The following NAA15 variants were observed in gnomAD, a reference collection of about 807,000 sequenced individuals.
The protein encoded by NAA15 is N-terminal acetyltransferase.
In NAA15, 34 loss-of-function variants were observed where a neutral mutation model predicts 114.0. That is an observed-to-expected ratio of 0.30 (90% confidence interval 0.23 to 0.40). The LOEUF (loss-of-function observed/expected upper bound fraction) is 0.40, where lower values mean the gene tolerates loss of function less well. Ranked by LOEUF, NAA15 falls within the 10% of genes least tolerant of loss-of-function variation. The pLI is 1.00. For missense variants in NAA15, 658 were observed against 1,004.5 expected (o/e 0.66, Z 4.66); for synonymous variants, 340 against 338.0 (o/e 1.01, Z -0.06).
chr4:139,354,845 A>G (rs1747892609), intron 10 of NAA15, among the ~76,000 whole-genome samples: 1 of 152,182 alleles, frequency 6.6e-6, no homozygotes, highest in South Asian at 2.1e-4. Context: ...TTAACCTAAA[A>G]CATAACCTAA....
intron 19 of NAA15, 47 bp downstream of exon 19, chr4:139,386,277 T>A (rs780717555): frequency 9.4e-7 from 1 of 1,065,628 alleles, no homozygotes; most frequent in Non-Finnish European, 1.4e-6. Context: ...TAACTACTTT[T>A]TTCACCAAGA....
At chr4:139,347,745 T>C (rs1253058322) in intron 6 of NAA15, among the ~76,000 whole-genome samples, 3 of 152,178 alleles carry the variant, frequency 2.0e-5, no homozygotes, top group Non-Finnish European at 4.4e-5. Context: ...AAAGTTTACT[T>C]AAGTCGGCCG....
chr4:139,343,781 G>A (rs370819939), intron 5 of NAA15, among the ~76,000 whole-genome samples: 10 of 152,322 alleles, frequency 6.6e-5, no homozygotes, highest in Middle Eastern at 3.4e-3. Flanking sequence ...AGACTGAATA[G>A]CCTATTGCTC....
At chr4:139,324,109 C>A (rs1352470565) in intron 1 of NAA15, among the ~76,000 whole-genome samples, 1 of 152,142 alleles carries the variant, frequency 6.6e-6, no homozygotes, top group Non-Finnish European at 1.5e-5. Context: ...GTCTGGAACT[C>A]CTGCTCAAGC....
rs1560952959 is a variant in NAA15 at position 139,315,036 on chromosome 4, G to GTTTAGT, written c.54+13207_54+13208insTAGTTT. ...GTTAGGTTAGGTTAGGTTAGGTTAGGTTAGGTTAGGTTAGGTTAGTTTAGT... is the reference window on the plus strand; with the variant it reads ...GTTAGGTTAGGTTAGGTTAGGTTAGGTTTAGTTTAGGTTAGGTTAGGTTAGTTTAGT... On this transcript the variant is annotated intron_variant, in intron 1 of 19. Coordinates refer to ENST00000296543, the MANE Select transcript of NAA15 (RefSeq NM_057175.5). Among the ~76,000 whole-genome samples, 133 of 82,390 alleles carry GTTTAGT rather than the reference G, an allele frequency of 1.6e-3. 5 individuals are homozygous for GTTTAGT. The highest frequency in any genetic ancestry group is 3.9e-3 in the African/African-American group (76 of 19,510). 54.1% of individuals were successfully genotyped at this position (82,390 alleles called of 152,430 possible). A position where few individuals can be genotyped will look rare whatever the true frequency, so the allele number is the denominator to read the frequency against.
rs151014611 is a variant in NAA15, at chr4:139,348,155, G to A, written c.692-1307G>A. On this transcript the variant is annotated intron_variant, in intron 6 of 19. Transcript: ENST00000296543. The stretch of plus-strand genomic sequence containing the variant: ...TTGAATTAGTTAACGCATGTGAAGC[G>A]TTTAAAAGTCACTGGTGGCCGGGCA... Among the ~76,000 whole-genome samples the A allele has an allele frequency of 1.4e-3, 215 of 151,754 alleles. 1 individual carries two copies. Among genetic ancestry groups the A allele is most frequent in the African/African-American group, 5.0e-3 (205 of 41,392 alleles).
intron 11 of NAA15, among the ~76,000 whole-genome samples, 189 bp downstream of exon 11, chr4:139,357,744 T>G (rs548570684): frequency 6.6e-6 from 1 of 152,232 alleles, no homozygotes; most frequent in Non-Finnish European, 1.5e-5. Flanking sequence ...TGGTGATTTA[T>G]CTATATCCGT....
intron 6 of NAA15, among the ~76,000 whole-genome samples, chr4:139,345,201 GA>G (rs1747541492): frequency 6.6e-6 from 1 of 152,136 alleles, no homozygotes; most frequent in Non-Finnish European, 1.5e-5. Context: ...GTACTGATAA[GA>G]AAAACTGGAA....
chr4:139,333,400 G>GT lies in NAA15; in HGVS notation c.55-767dup, dbSNP rs1470168312. 4.0e-5 allele frequency among the ~76,000 whole-genome samples: 6 copies of GT among 150,998 alleles called. No homozygotes were observed. In the South Asian group the frequency reaches 1.3e-3, roughly 32 times the overall value. ...ATTATAGATCTTTTTTATGTGACTT[G>GT]TTTTTTTCCCCTCTCTGGAAGTTTT... is the stretch of plus-strand genomic sequence containing the variant. On this transcript the variant is annotated intron_variant, in intron 1 of 19. Transcript: ENST00000296543.
At chr4:139,354,379 G>T (rs538746114) in intron 10 of NAA15, among the ~76,000 whole-genome samples, 1 of 152,030 alleles carries the variant, frequency 6.6e-6, no homozygotes, top group African/African-American at 2.4e-5. Context: ...GCTCACTGCA[G>T]CTTCGACCTC....
intron 13 of NAA15, among the ~76,000 whole-genome samples, chr4:139,361,384 G>A (rs189390541): frequency 1.2e-4 from 18 of 152,216 alleles, no homozygotes; most frequent in African/African-American, 3.6e-4. Flanking sequence ...TGTTTAACAT[G>A]TGAGTCTACT....
In NAA15 at chr4:139,384,997, C is replaced by A; in HGVS notation, c.2302+19C>A. Reference sequence around the variant, plus strand: ...TTATCAGGTAATCACTTTATTTTATCCTTAGCCTTCTAAAACAACTTCAGT... The same window carrying A: ...TTATCAGGTAATCACTTTATTTTATACTTAGCCTTCTAAAACAACTTCAGT... On this transcript the variant is annotated intron_variant, in intron 18 of 19. Coordinates refer to ENST00000296543, the MANE Select transcript of NAA15 (RefSeq NM_057175.5). 1.3e-6 allele frequency: 2 copies of A among 1,481,882 alleles called. No homozygotes were observed. Among genetic ancestry groups the A allele is most frequent in the South Asian group, 1.5e-5 (1 of 67,258 alleles). The allele number at this position is 1,481,882 out of a possible 1,614,324, so 91.8% of individuals were successfully genotyped here.
intron 7 of NAA15, among the ~76,000 whole-genome samples, chr4:139,350,411 C>T (rs1747737947): frequency 6.6e-6 from 1 of 152,192 alleles, no homozygotes; most frequent in African/African-American, 2.4e-5. Context: ...GAATGAGCAT[C>T]ACTGTTCCTT....
intron 1 of NAA15, among the ~76,000 whole-genome samples, chr4:139,304,018 C>T (rs1372808208): frequency 2.0e-5 from 3 of 152,094 alleles, no homozygotes; most frequent in Middle Eastern, 3.2e-3. Context: ...CCTGGGTTGA[C>T]GCCATTCTCC....
intron 1 of NAA15, among the ~76,000 whole-genome samples, chr4:139,313,804 T>G (rs1746296646): frequency 6.6e-6 from 1 of 151,920 alleles, no homozygotes. Flanking sequence ...ACCAAAGTGC[T>G]GGCATTACAG....
chr4:139,350,754 T>G (rs758274750), intron 7 of NAA15, among the ~76,000 whole-genome samples: 6 of 152,112 alleles, frequency 3.9e-5, no homozygotes, highest in Non-Finnish European at 8.8e-5. Context: ...CCATGAAACA[T>G]GAATAGTTAG....
rs1195347971 is a variant in NAA15 at position 139,390,099 on chromosome 4, A to G, written c.*2015A>G. ...GGGTGTATGTGTGAATTTTGTTTAA[A>G]CTCTACTGTATATTGAAATGAAATT... On this transcript the variant is annotated 3_prime_UTR_variant, in exon 20 of 20. Transcript: ENST00000296543. The G allele has an allele frequency of 1.3e-5, 2 of 152,572 alleles. No individual in the cohort carries two copies. Among genetic ancestry groups the G allele is most frequent in the Non-Finnish European group, 2.9e-5 (2 of 68,014 alleles). 9.5% of individuals were successfully genotyped at this position (152,572 alleles called of 1,614,324 possible).
At chr4:139,361,618 C>G (rs1748133559) in intron 13 of NAA15, 106 bp from the exon 14 acceptor site, 1 of 650,930 alleles carries the variant, frequency 1.5e-6, no homozygotes, top group Non-Finnish European at 2.5e-6. Flanking sequence ...TAAAATTTTA[C>G]TAGTTTTTTT....
At chr4:139,345,265 T>G (rs767475053) in intron 6 of NAA15, among the ~76,000 whole-genome samples, 1 of 152,194 alleles carries the variant, frequency 6.6e-6, no homozygotes, top group Admixed American at 6.5e-5. Context: ...CAAGACAACC[T>G]TCTTTCATTT....
Sources: allele counts gnomAD v4.1 joint callset (sites outside exome capture counted in the v4.1 genomes callset), GRCh38; gene constraint gnomAD v4.1.1; transcripts MANE v1.5; gene names NCBI Gene and HGNC (gene_info 2026-07-23, HGNC 2026-07-21).